ROBO1: variants seen among roughly 807,000 people sequenced by gnomAD.
ROBO1 encodes roundabout homolog 1.
ROBO1 carries 149 observed loss-of-function variants against 195.9 expected under a neutral mutation model. The ratio of observed to expected loss-of-function variants is 0.76; its 90% CI spans 0.67 to 0.87. ROBO1 has a LOEUF of 0.87. Ranked by LOEUF, ROBO1 falls within the 40% of genes least tolerant of loss-of-function variation. The pLI, the probability that ROBO1 is intolerant of heterozygous loss-of-function variation, is 0.00. For missense variants in ROBO1, 1,933 were observed against 2,068.3 expected, an observed-to-expected ratio of 0.93 and a Z score of 1.27; for synonymous variants, 816 against 733.2, an observed-to-expected ratio of 1.11 and a Z score of -1.82.
chr3:79,397,810 T>C, intron 2 of ROBO1, among the ~76,000 whole-genome samples: 1 of 152,186 alleles, frequency 6.6e-6, no homozygotes, highest in Non-Finnish European at 1.5e-5. Context: ...CAATGTGCTT[T>C]TGCATTAAGC....
chr3:79,317,319 C>G (rs1196890523), intron 2 of ROBO1, among the ~76,000 whole-genome samples: 2 of 152,050 alleles, frequency 1.3e-5, no homozygotes, highest in Non-Finnish European at 2.9e-5. Flanking sequence ...ATTTTCATAG[C>G]CTTCTTCCAT....
At chr3:79,062,825 C>T (rs537084102) in intron 3 of ROBO1, among the ~76,000 whole-genome samples, 86 of 152,046 alleles carry the variant, frequency 5.7e-4, no homozygotes, top group African/African-American at 2.0e-3. Context: ...CACACTGGGG[C>T]CTGTCAGCAG....
At chr3:78,683,807 C>A (rs1424888998) in intron 10 of ROBO1, among the ~76,000 whole-genome samples, 1 of 151,320 alleles carries the variant, frequency 6.6e-6, no homozygotes, top group Non-Finnish European at 1.5e-5. Context: ...AAATTTGCAT[C>A]ACAAAATATC....
At chr3:79,742,545 C>T (rs1400904959) in intron 1 of ROBO1, among the ~76,000 whole-genome samples, 1 of 152,118 alleles carries the variant, frequency 6.6e-6, no homozygotes, top group Non-Finnish European at 1.5e-5. Context: ...TGACTATGTG[C>T]TATGTGCTTG....
intron 4 of ROBO1, among the ~76,000 whole-genome samples, chr3:78,852,845 C>T (rs559408747): frequency 1.3e-5 from 2 of 152,150 alleles, no homozygotes; most frequent in East Asian, 1.9e-4. Flanking sequence ...GGCAAAGGCA[C>T]CAGCTAAGAA....
intron 3 of ROBO1, among the ~76,000 whole-genome samples, chr3:78,958,932 C>T (rs1466890219): frequency 1.3e-5 from 2 of 151,424 alleles, no homozygotes; most frequent in Admixed American, 6.6e-5. Flanking sequence ...TCAAGTGATC[C>T]TCCCACCTGG....
intron 2 of ROBO1, among the ~76,000 whole-genome samples, chr3:79,212,326 A>G (rs575818417): frequency 2.0e-5 from 3 of 152,314 alleles, no homozygotes; most frequent in Admixed American, 2.0e-4. Context: ...CTGATAAGAA[A>G]ATACTCAGCC....
chr3:79,454,399 A>G (rs2039550036), intron 2 of ROBO1, among the ~76,000 whole-genome samples: 1 of 152,072 alleles, frequency 6.6e-6, no homozygotes, highest in African/African-American at 2.4e-5. Flanking sequence ...TTAACGTGGG[A>G]CACCTACTAC....
At chr3:79,214,824 A>ATTTTTTTTTTT (rs1175881941) in intron 2 of ROBO1, among the ~76,000 whole-genome samples, 1 of 139,368 alleles carries the variant, frequency 7.2e-6, no homozygotes, top group African/African-American at 2.9e-5. Flanking sequence ...ATATATATAT[A>ATTTTTTTTTTT]TATTTTTTTT....
In ROBO1 at chr3:78,657,125, T is replaced by G. The variant is rs535821157; in HGVS notation, c.2587A>C (p.Lys863Gln). ...AGCTGGATGAACTGAGGCTCACTCT[T>G]TACCCCAGACCCAGCCCCAGTGCTG... is the stretch of plus-strand genomic sequence containing the variant. ...AASTGAGSGV[K>Q]SEPQFIQLDA... The change falls in exon 18 of 31, where the codon AAG becomes CAG. Residue 863 changes from lysine (K) to glutamine (Q), a missense_variant. Transcript: ENST00000464233. The G allele has an allele frequency of 1.2e-6, 2 of 1,611,142 alleles. No individual in the cohort carries two copies. The highest frequency in any genetic ancestry group is 4.5e-5 in the East Asian group (2 of 44,766).
intron 2 of ROBO1, among the ~76,000 whole-genome samples, chr3:79,523,142 T>TTA (rs770069797): frequency 2.2e-4 from 32 of 148,256 alleles, no homozygotes; most frequent in Non-Finnish European, 4.4e-4. Flanking sequence ...AGTTCCACCA[T>TTA]TGTAAGAGGC....
At chr3:79,059,667 C>A (rs948046143) in intron 3 of ROBO1, among the ~76,000 whole-genome samples, 2 of 151,990 alleles carry the variant, frequency 1.3e-5, no homozygotes, top group Admixed American at 1.3e-4. Context: ...TCTCTGAACA[C>A]AAATTGTGAA....
At chr3:78,992,666 C>T (rs2077264825) in intron 3 of ROBO1, among the ~76,000 whole-genome samples, 1 of 152,116 alleles carries the variant, frequency 6.6e-6, no homozygotes, top group Admixed American at 6.6e-5. Context: ...ACTGTTTAAA[C>T]AGAATACAAA....
At chr3:79,707,152 T>C (rs1197623876) in intron 1 of ROBO1, among the ~76,000 whole-genome samples, 9 of 152,158 alleles carry the variant, frequency 5.9e-5, no homozygotes, top group African/African-American at 1.7e-4. Context: ...AGAAAGTTAT[T>C]TATTATTGCT....
chr3:79,647,566 A>AAGTGGGAGGAGG (rs71130607), intron 1 of ROBO1, among the ~76,000 whole-genome samples: 86,862 of 151,404 alleles, frequency 0.57, 25,168 homozygotes, highest in South Asian at 0.67. Context: ...TGGTTGACAC[A>AAGTGGGAGGAGG]TGTACTATCG....
At chr3:79,171,686 T>G (rs1217301005) in intron 2 of ROBO1, among the ~76,000 whole-genome samples, 4 of 152,108 alleles carry the variant, frequency 2.6e-5, no homozygotes, top group African/African-American at 7.2e-5. Context: ...AGTTGTACAC[T>G]TTTGTCTTAC....
chr3:79,762,632 A>ACACACACACACAC (rs1553650940), intron 1 of ROBO1, among the ~76,000 whole-genome samples: 7 of 118,174 alleles, frequency 5.9e-5, no homozygotes, highest in Non-Finnish European at 7.7e-5. Flanking sequence ...ACACACACAC[A>ACACACACACACAC]AAAGCCGAGA....
rs200486912 is a variant in ROBO1, at chr3:78,736,072, CA to C, written c.657+10670del. ...TGTGTAGTATCTCCTATTTTTAAGC[CA>C]AAAAAAATCATGTTTTAGAAAAAAG... On this transcript the variant is annotated intron_variant, in intron 5 of 30. Coordinates refer to ENST00000464233, the MANE Select transcript of ROBO1 (RefSeq NM_002941.4). 3.6e-4 allele frequency among the ~76,000 whole-genome samples: 54 copies of C among 151,122 alleles called. No individual in the cohort carries two copies. In the East Asian group the frequency reaches 9.7e-3, roughly 27 times the overall value.
chr3:79,330,920 G>A (rs536008471), intron 2 of ROBO1, among the ~76,000 whole-genome samples: 10 of 152,198 alleles, frequency 6.6e-5, no homozygotes, highest in African/African-American at 2.4e-4. Flanking sequence ...TGAGCCCTCT[G>A]TGCTTGAAAG....
Sources: allele counts gnomAD v4.1 joint callset (sites outside exome capture counted in the v4.1 genomes callset), GRCh38; gene constraint gnomAD v4.1.1; transcripts MANE v1.5; gene names NCBI Gene and HGNC (gene_info 2026-07-23, HGNC 2026-07-21).